The following LARGE1 variants were observed in gnomAD, a reference collection of about 807,000 sequenced individuals.
The protein encoded by LARGE1 is LARGE xylosyl- and glucuronyltransferase 1.
A neutral mutation model predicts 87.6 loss-of-function variants in LARGE1; 43 were observed. The ratio of observed to expected loss-of-function variants is 0.49; its 90% CI spans 0.38 to 0.63. The LOEUF (loss-of-function observed/expected upper bound fraction) is 0.63. Ranked by LOEUF, LARGE1 falls within the 30% of genes least tolerant of loss-of-function variation. LARGE1 has a pLI of 0.00. For synonymous variants in LARGE1, 434 were observed against 394.6 expected (o/e 1.10, Z -1.18); for missense variants, 802 against 1,000.2 (o/e 0.80, Z 2.67).
At chr22:33,895,735 G>A (rs2065126558) in intron 1 of LARGE1, among the ~76,000 whole-genome samples, 2 of 152,114 alleles carry the variant, frequency 1.3e-5, no homozygotes, top group Admixed American at 1.3e-4. Flanking sequence ...TATGAAGATG[G>A]GGTCTTACAT....
intron 7 of LARGE1, among the ~76,000 whole-genome samples, chr22:33,406,871 C>T (rs137924863): frequency 8.4e-4 from 128 of 152,106 alleles, no homozygotes; most frequent in African/African-American, 3.0e-3. Context: ...TGGCTCACTG[C>T]AACCTCCACC....
chr22:33,762,797 A>C (rs532644150), intron 1 of LARGE1, among the ~76,000 whole-genome samples: 1 of 152,328 alleles, frequency 6.6e-6, no homozygotes, highest in South Asian at 2.1e-4. Flanking sequence ...AAGGAGTTAA[A>C]AAACCAATGG....
At chr22:33,315,231 T>C (rs1177565033) in intron 11 of LARGE1, among the ~76,000 whole-genome samples, 3 of 152,148 alleles carry the variant, frequency 2.0e-5, no homozygotes, top group African/African-American at 7.2e-5. Context: ...GGCTCTATCC[T>C]ACAAAGGTCC....
intron 2 of LARGE1, among the ~76,000 whole-genome samples, chr22:33,727,092 AAGGTGAC>A (rs1188906335): frequency 1.3e-5 from 2 of 152,202 alleles, no homozygotes; most frequent in African/African-American, 4.8e-5. Context: ...CCTGAAGGTC[AAGGTGAC>A]AGGGGGAAGC....
At chr22:33,884,560 G>A (rs2064790374) in intron 1 of LARGE1, among the ~76,000 whole-genome samples, 1 of 152,230 alleles carries the variant, frequency 6.6e-6, no homozygotes, top group South Asian at 2.1e-4. Context: ...ATCTGTGGGA[G>A]ACCGGGCAAG....
chr22:33,458,576 C>A lies in LARGE1; in HGVS notation c.788-26311G>T, dbSNP rs2068238843. Among the ~76,000 whole-genome samples, 3 of 152,104 alleles carry A rather than the reference C, an allele frequency of 2.0e-5. No homozygotes were observed. The South Asian group carries it at 6.2e-4, about 32-fold the overall frequency. On this transcript the variant is annotated intron_variant, in intron 6 of 14. Coordinates refer to ENST00000397394, the MANE Select transcript of LARGE1 (RefSeq NM_133642.5). ...GAGTAGCTGGGATTACAGGCATGTG[C>A]CACCATGCCCGGCTAATGTTTTCGT...
intron 6 of LARGE1, among the ~76,000 whole-genome samples, chr22:33,506,930 T>C (rs1237292890): frequency 6.6e-6 from 1 of 152,040 alleles, no homozygotes; most frequent in Non-Finnish European, 1.5e-5. Context: ...GGAGAAGTAT[T>C]AGAGACAACA....
chr22:33,531,870 C>T (rs763967736), intron 6 of LARGE1, among the ~76,000 whole-genome samples: 4 of 152,174 alleles, frequency 2.6e-5, no homozygotes, highest in South Asian at 2.1e-4. Context: ...TCAGGCTGCC[C>T]GGAACAAGAG....
At chr22:33,484,748 G>C (rs918931747) in intron 6 of LARGE1, among the ~76,000 whole-genome samples, 1 of 152,016 alleles carries the variant, frequency 6.6e-6, no homozygotes, top group African/African-American at 2.4e-5. Context: ...CCATGCCCCC[G>C]GTCTGGTTAT....
At chr22:33,780,909 T>C (rs117710118) in intron 1 of LARGE1, among the ~76,000 whole-genome samples, 3 of 152,334 alleles carry the variant, frequency 2.0e-5, no homozygotes, top group South Asian at 2.1e-4. Flanking sequence ...ATGTAGCACA[T>C]AGAGTAAACA....
intron 5 of LARGE1, among the ~76,000 whole-genome samples, chr22:33,581,474 A>C (rs2078516502): frequency 6.6e-6 from 1 of 152,190 alleles, no homozygotes; most frequent in Non-Finnish European, 1.5e-5. Context: ...AAATAAATAA[A>C]GTTATTTTGT....
At chr22:33,687,768 G>A (rs1234105246) in intron 2 of LARGE1, among the ~76,000 whole-genome samples, 1 of 152,188 alleles carries the variant, frequency 6.6e-6, no homozygotes, top group Admixed American at 6.5e-5. Flanking sequence ...GGTGGGAAGA[G>A]AACCTGCTGT....
In LARGE1 at chr22:33,381,904, C is replaced by G. The variant is rs765901416; in HGVS notation, c.1131+15G>C. ...CCTCACCCTACCTCCAGGGATGTCC[C>G]TGTGTTGACCCTACCTTTAGATCAG... On this transcript the variant is annotated intron_variant, in intron 9 of 14. Coordinates refer to ENST00000397394, the MANE Select transcript of LARGE1 (RefSeq NM_133642.5). 1.4e-5 allele frequency: 23 copies of G among 1,613,936 alleles called. No homozygotes were observed. In the East Asian group the frequency reaches 2.2e-4, roughly 16 times the overall value.
At chr22:33,870,632 A>G (rs1300109881) in intron 1 of LARGE1, among the ~76,000 whole-genome samples, 1 of 152,036 alleles carries the variant, frequency 6.6e-6, no homozygotes, top group East Asian at 1.9e-4. Flanking sequence ...ACAGTAGCGC[A>G]ATCTCGGCTC....
the LARGE1 span, among the ~76,000 whole-genome samples, chr22:33,124,890 G>A: frequency 6.6e-6 from 1 of 152,202 alleles, no homozygotes; most frequent in African/African-American, 2.4e-5. Flanking sequence ...CAGCTTTACT[G>A]AAGTGGCAGC....
chr22:33,809,257 T>C (rs979360436), intron 1 of LARGE1, among the ~76,000 whole-genome samples: 3 of 123,120 alleles, frequency 2.4e-5, no homozygotes, highest in Non-Finnish European at 3.5e-5. Context: ...GGTGACAGAG[T>C]GAGACTCCAT....
At chr22:33,437,586 C>G (rs1309887156) in intron 6 of LARGE1, among the ~76,000 whole-genome samples, 1 of 152,060 alleles carries the variant, frequency 6.6e-6, no homozygotes, top group Admixed American at 6.6e-5. Context: ...AGCATTTGCT[C>G]TTATGGAAGC....
intron 2 of LARGE1, among the ~76,000 whole-genome samples, chr22:33,686,722 G>A (rs753660203): frequency 4.6e-5 from 7 of 152,086 alleles, no homozygotes; most frequent in Admixed American, 1.3e-4. Context: ...CTGGTCTCCT[G>A]ACTGCAGTTT....
the LARGE1 span, among the ~76,000 whole-genome samples, chr22:33,089,321 T>TTCTTTCTTCTTCTTCTTC: frequency 7.2e-3 from 628 of 86,984 alleles, 4 homozygotes; most frequent in African/African-American, 9.5e-3. Context: ...TTCTTTCTTC[T>TTCTTTCTTCTTCTTCTTC]TTCTTCTTCT....
Sources: allele counts gnomAD v4.1 joint callset (sites outside exome capture counted in the v4.1 genomes callset), GRCh38; gene constraint gnomAD v4.1.1; transcripts MANE v1.5; gene names NCBI Gene and HGNC (gene_info 2026-07-23, HGNC 2026-07-21).